The following ITSN1 variants were observed in gnomAD, a reference collection of about 807,000 sequenced individuals.
ITSN1 encodes intersectin-1.
Under a neutral mutation model 239.8 loss-of-function variants are expected in ITSN1, and 58 were observed. The ratio of observed to expected loss-of-function variants is 0.24; its 90% CI spans 0.20 to 0.30. The LOEUF is 0.30. Among genes scored for constraint, ITSN1 ranks in the 10% least tolerant of loss-of-function variants. ITSN1 has a pLI of 1.00. For synonymous variants in ITSN1, 780 were observed against 770.8 expected (o/e 1.01, Z -0.20); for missense variants, 1,558 against 2,103.3 (o/e 0.74, Z 5.07).
intron 1 of ITSN1, among the ~76,000 whole-genome samples, chr21:33,658,204 G>C (rs1474463705): frequency 6.6e-6 from 1 of 152,066 alleles, no homozygotes; most frequent in Non-Finnish European, 1.5e-5. Flanking sequence ...AGTGGAAGTG[G>C]GTCATCATAA....
chr21:33,735,406 A>C (rs1285960919), intron 5 of ITSN1: 5 of 657,180 alleles, frequency 7.6e-6, no homozygotes, highest in Non-Finnish European at 1.4e-5. Context: ...TAAAGTAATC[A>C]AAATGAAAGC....
chr21:33,682,318 C>G (rs1053474371), intron 1 of ITSN1, among the ~76,000 whole-genome samples: 16 of 150,664 alleles, frequency 1.1e-4, no homozygotes, highest in Non-Finnish European at 1.5e-5. Flanking sequence ...CAGGTTCAAG[C>G]GATTCTCGCT....
In ITSN1 at chr21:33,823,483, C is replaced by T. The variant is rs1297615156; in HGVS notation, c.3017-4C>T. The T allele has an allele frequency of 6.2e-7, 1 of 1,611,802 alleles. No individual in the cohort carries two copies. Among genetic ancestry groups the T allele is most frequent in the South Asian group, 1.1e-5 (1 of 90,736 alleles). ...CTCCGTATCTCAATATTTCTCCCCA[C>T]CAGAATTTATTGCCATGTACACTTA... On this transcript the variant is annotated splice_polypyrimidine_tract_variant and splice_region_variant and intron_variant, in intron 24 of 39. Coordinates refer to ENST00000381318, the MANE Select transcript of ITSN1 (RefSeq NM_003024.3).
At chr21:33,704,218 G>A (rs1266519607) in intron 1 of ITSN1, among the ~76,000 whole-genome samples, 3 of 152,056 alleles carry the variant, frequency 2.0e-5, no homozygotes, top group African/African-American at 4.8e-5. Context: ...TCCTTTTTGT[G>A]TGTAAGAAGT....
chr21:33,673,638 C>A (rs1461976350), intron 1 of ITSN1, among the ~76,000 whole-genome samples: 1 of 151,154 alleles, frequency 6.6e-6, no homozygotes, highest in African/African-American at 2.5e-5. Flanking sequence ...TGTGTCTTGT[C>A]GGAACCTACC....
intron 5 of ITSN1, among the ~76,000 whole-genome samples, chr21:33,741,962 C>A (rs866303721): frequency 6.7e-6 from 1 of 149,604 alleles, no homozygotes; most frequent in Non-Finnish European, 1.5e-5. Context: ...ATGCTGCTTG[C>A]GAGTCAACAA....
chr21:33,870,316 T>G (rs1982493139), intron 33 of ITSN1, among the ~76,000 whole-genome samples: 1 of 152,250 alleles, frequency 6.6e-6, no homozygotes, highest in Non-Finnish European at 1.5e-5. Flanking sequence ...AAATAGGTGT[T>G]CTATATCTAG....
At chr21:33,708,206 CTG>C (rs1601759816) in intron 1 of ITSN1, among the ~76,000 whole-genome samples, 2 of 152,184 alleles carry the variant, frequency 1.3e-5, no homozygotes, top group African/African-American at 4.8e-5. Context: ...CCTCACTGAG[CTG>C]TCTTATTCTT....
chr21:33,879,001 C>T (rs145282852), intron 34 of ITSN1, among the ~76,000 whole-genome samples: 115 of 152,158 alleles, frequency 7.6e-4, no homozygotes, highest in African/African-American at 2.2e-3. Flanking sequence ...GACAGTTGTA[C>T]GGGGGACTCT....
In ITSN1 at chr21:33,774,938, A is replaced by G. The variant is rs372809065; in HGVS notation, c.1456-30A>G. 45 of 1,603,744 alleles carry G rather than the reference A, an allele frequency of 2.8e-5. No homozygotes were observed. In the African/African-American group the frequency reaches 5.1e-4, roughly 18 times the overall value. On this transcript the variant is annotated intron_variant, in intron 13 of 39. Coordinates refer to ENST00000381318, the MANE Select transcript of ITSN1 (RefSeq NM_003024.3). ...TAAGATGGAACCATTAAAAACAGTA[A>G]TAATTTTTATTATCTTTCATTTGTT...
chr21:33,838,424 C>T (rs2074706712), intron 29 of ITSN1: 1 of 983,192 alleles, frequency 1.0e-6, no homozygotes, highest in Non-Finnish European at 1.2e-6. Context: ...TATAAACCTG[C>T]GGCTTTAACA....
chr21:33,792,483 G>C (rs1177464258), intron 16 of ITSN1, among the ~76,000 whole-genome samples: 1 of 152,162 alleles, frequency 6.6e-6, no homozygotes, highest in Admixed American at 6.5e-5. Flanking sequence ...TTAAGAATTT[G>C]ATGGTCTTGA....
intron 9 of ITSN1, among the ~76,000 whole-genome samples, chr21:33,763,342 T>C (rs964392255): frequency 5.9e-5 from 9 of 152,204 alleles, no homozygotes; most frequent in African/African-American, 1.9e-4. Flanking sequence ...TTGTCTAATT[T>C]GTTTCTGTAT....
At chr21:33,711,544 G>GTT (rs1351360252) in intron 1 of ITSN1, among the ~76,000 whole-genome samples, 1 of 147,008 alleles carries the variant, frequency 6.8e-6, no homozygotes, top group African/African-American at 2.5e-5. Flanking sequence ...TGTCCTTTCT[G>GTT]TTTTTTTTTC....
Position 33,892,409 on chromosome 21 carries a change from AT to A in ITSN1, c.*4111del, listed in dbSNP as rs1986423906. 6.6e-6 allele frequency: 1 copy of A among 152,196 alleles called. No individual in the cohort carries two copies. The highest frequency in any genetic ancestry group is 2.4e-5 in the African/African-American group (1 of 41,446). 9.4% of individuals were successfully genotyped at this position (152,196 alleles called of 1,614,324 possible). A position where few individuals can be genotyped will look rare whatever the true frequency, so the allele number is the denominator to read the frequency against. On this transcript the variant is annotated 3_prime_UTR_variant, in exon 40 of 40. Coordinates refer to ENST00000381318, the MANE Select transcript of ITSN1 (RefSeq NM_003024.3). ...TGGCCCAGGGGCTGCTTAGTATATC[AT>A]TAGAATGTTCATTCTCCTCCTTTTC... is the stretch of plus-strand genomic sequence containing the variant.
intron 33 of ITSN1, among the ~76,000 whole-genome samples, chr21:33,872,634 T>G (rs1569327376): frequency 6.6e-6 from 1 of 152,182 alleles, no homozygotes; most frequent in Non-Finnish European, 1.5e-5. Context: ...TGGGTTCAAG[T>G]GATTCTCCTG....
In ITSN1 at chr21:33,750,234, A is replaced by G. The variant is rs2067458779; in HGVS notation, c.438A>G (p.Leu146=). 2 of 1,613,990 alleles carry G rather than the reference A, an allele frequency of 1.2e-6. No individual in the cohort carries two copies. The highest frequency in any genetic ancestry group is 1.7e-6 in the Non-Finnish European group (2 of 1,180,016). ...SIPVVGMSPT[L]VSSVPTAAVP... is the part of the protein sequence containing the mutation. ...CAGTTGTTGGAATGTCTCCAACCCT[A>G]GTATCTTCTGTTCCCACAGCAGCTG... Residue 146 remains leucine (L), a synonymous_variant, in exon 6 of 40, where the codon CTA becomes CTG. Transcript: ENST00000381318.
At chr21:33,660,888 A>G (rs2089497376) in intron 1 of ITSN1, among the ~76,000 whole-genome samples, 1 of 152,222 alleles carries the variant, frequency 6.6e-6, no homozygotes, top group African/African-American at 2.4e-5. Flanking sequence ...TACATACAAC[A>G]TCATGTATTG....
intron 1 of ITSN1, among the ~76,000 whole-genome samples, chr21:33,646,179 C>T (rs900438956): frequency 3.3e-5 from 5 of 152,166 alleles, no homozygotes; most frequent in Non-Finnish European, 2.9e-5. Context: ...GAGCCACAAG[C>T]ACTATACCCC....
Sources: gnomAD v4.1 joint callset for allele counts (sites outside exome capture counted in the v4.1 genomes callset) on GRCh38, gnomAD v4.1.1 for gene constraint, MANE v1.5 for transcripts, NCBI Gene and HGNC (gene_info 2026-07-23, HGNC 2026-07-21) for gene names.